GPC5: variants seen among roughly 807,000 people sequenced by gnomAD.
GPC5 encodes the protein glypican 5.
Under a neutral mutation model 53.9 loss-of-function variants are expected in GPC5, and 47 were observed. The ratio of observed to expected loss-of-function variants is 0.87; its 90% confidence interval spans 0.69 to 1.11. The LOEUF (loss-of-function observed/expected upper bound fraction) is 1.11. Among genes scored for constraint, GPC5 ranks in the 50% most tolerant of loss-of-function variants. The probability of loss-of-function intolerance (pLI) is 0.00; values close to 1 mark genes in which losing one functional copy is unlikely to be tolerated. For missense variants in GPC5, 748 were observed against 713.1 expected (o/e 1.05, Z -0.56); for synonymous variants, 286 against 263.3 (o/e 1.09, Z -0.84).
chr13:92,293,327 A>G (rs181520342), intron 7 of GPC5, among the ~76,000 whole-genome samples: 6 of 148,794 alleles, frequency 4.0e-5, no homozygotes, highest in Admixed American at 2.0e-4. Context: ...TGTTTGTGTC[A>G]TCTGTGATTT....
chr13:92,427,655 A>C (rs577135585), intron 7 of GPC5, among the ~76,000 whole-genome samples: 1 of 152,180 alleles, frequency 6.6e-6, no homozygotes, highest in East Asian at 1.9e-4. Flanking sequence ...GCTGGGTGAC[A>C]TTAAGAATAT....
At chr13:91,614,715 G>A (rs2033648739) in intron 2 of GPC5, among the ~76,000 whole-genome samples, 1 of 152,146 alleles carries the variant, frequency 6.6e-6, no homozygotes, top group African/African-American at 2.4e-5. Context: ...TGACAGTGGA[G>A]TTATAAAACT....
intron 4 of GPC5, among the ~76,000 whole-genome samples, chr13:91,753,077 C>A (rs938382434): frequency 6.6e-6 from 1 of 152,176 alleles, no homozygotes; most frequent in Admixed American, 6.5e-5. Context: ...ATTGGGGCTA[C>A]TGTGTGTAAA....
Position 91,728,628 on chromosome 13 carries a change from A to G in GPC5, c.1117A>G (p.Thr373Ala), listed in dbSNP as rs1427344343. The G allele has an allele frequency of 3.7e-6, 6 of 1,613,250 alleles. No homozygotes were observed. The highest frequency in any genetic ancestry group is 5.1e-6 in the Non-Finnish European group (6 of 1,179,466). ...AGAGAAGCATGGAATGAAGACCACC[A>G]CAAGGAACAGTGAAGAGACGCTTGC... ...SKEKHGMKTT[T>A]RNSEETLANR... The change falls in exon 4 of 8, where the codon ACA (threonine) becomes GCA (alanine). Residue 373 changes from threonine to alanine, a missense_variant. Transcript: ENST00000377067.
chr13:91,949,904 C>G (rs796407130), intron 6 of GPC5, among the ~76,000 whole-genome samples: 17 of 152,254 alleles, frequency 1.1e-4, no homozygotes, highest in African/African-American at 3.8e-4. Context: ...TTCACTTTGT[C>G]TTTAGCTAAC....
intron 7 of GPC5, among the ~76,000 whole-genome samples, chr13:92,476,088 C>A (rs1329553045): frequency 6.6e-6 from 1 of 152,000 alleles, no homozygotes; most frequent in Non-Finnish European, 1.5e-5. Context: ...AAAGAAACTA[C>A]CATCAGAGTG....
chr13:92,551,984 A>T (rs1206000872), intron 7 of GPC5, among the ~76,000 whole-genome samples: 1 of 151,940 alleles, frequency 6.6e-6, no homozygotes, highest in African/African-American at 2.4e-5. Flanking sequence ...ACATACTAAA[A>T]TAGTCAGCAC....
rs75552358 is a variant in GPC5, at chr13:92,312,957, A to C, written c.1561+167968A>C. On this transcript the variant is annotated intron_variant, in intron 7 of 7. Coordinates refer to ENST00000377067, the MANE Select transcript of GPC5 (RefSeq NM_004466.6). ...AATTAATTTCAAAATGCCTTTTTTGAGGAAATGGGCTGCCTATAATACTTC... is the reference window on the plus strand; with the variant it reads ...AATTAATTTCAAAATGCCTTTTTTGCGGAAATGGGCTGCCTATAATACTTC... 4.7e-4 allele frequency among the ~76,000 whole-genome samples: 71 copies of C among 152,212 alleles called. No individual in the cohort carries two copies. In the East Asian group the frequency reaches 0.013, roughly 27 times the overall value.
chr13:91,674,547 A>T (rs917818319), intron 2 of GPC5, among the ~76,000 whole-genome samples: 2 of 148,900 alleles, frequency 1.3e-5, no homozygotes, highest in East Asian at 4.0e-4. Context: ...ATACGCATAT[A>T]TATGCGTATG....
At chr13:92,300,832 A>T (rs1398734681) in intron 7 of GPC5, among the ~76,000 whole-genome samples, 2 of 152,222 alleles carry the variant, frequency 1.3e-5, no homozygotes, top group African/African-American at 4.8e-5. Context: ...TGATGTAGGG[A>T]TGCAAAATGT....
At chr13:92,188,447 A>G (rs757949528) in intron 7 of GPC5, among the ~76,000 whole-genome samples, 9 of 152,194 alleles carry the variant, frequency 5.9e-5, no homozygotes, top group Non-Finnish European at 8.8e-5. Flanking sequence ...AGGATAAGAA[A>G]AAGTGAAGAT....
At chr13:92,209,398 T>G (rs542074679) in intron 7 of GPC5, among the ~76,000 whole-genome samples, 15 of 152,296 alleles carry the variant, frequency 9.8e-5, no homozygotes, top group African/African-American at 3.6e-4. Context: ...TTTAAACCAT[T>G]GGGGTTAAGT....
chr13:91,656,329 A>T (rs2139586948), intron 2 of GPC5, among the ~76,000 whole-genome samples: 1 of 152,322 alleles, frequency 6.6e-6, no homozygotes, highest in Admixed American at 6.5e-5. Context: ...AATGGCAAGC[A>T]ATGATTTACC....
intron 7 of GPC5, among the ~76,000 whole-genome samples, chr13:92,346,894 T>C (rs9584022): frequency 0.26 from 38,878 of 151,928 alleles, 5,173 homozygotes; most frequent in South Asian, 0.39. Flanking sequence ...AATGCAATGA[T>C]TGAACTGAAA....
At chr13:92,213,636 A>G (rs1373197922) in intron 7 of GPC5, among the ~76,000 whole-genome samples, 1 of 152,202 alleles carries the variant, frequency 6.6e-6, no homozygotes, top group Non-Finnish European at 1.5e-5. Context: ...CAAAAAGTTA[A>G]TAATCTGTGA....
At chr13:92,391,474 T>G (rs1276792945) in intron 7 of GPC5, among the ~76,000 whole-genome samples, 4 of 152,176 alleles carry the variant, frequency 2.6e-5, no homozygotes, top group Admixed American at 6.6e-5. Context: ...ACCTTTTGTA[T>G]TTCATCTTGC....
chr13:92,842,662 T>C (rs1878469460), intron 7 of GPC5, among the ~76,000 whole-genome samples: 1 of 151,712 alleles, frequency 6.6e-6, no homozygotes, highest in Admixed American at 6.6e-5. Context: ...ATTGTTTTTT[T>C]TTTTTTTCAT....
At chr13:92,381,859 T>TGA (rs1463615025) in intron 7 of GPC5, among the ~76,000 whole-genome samples, 1 of 135,570 alleles carries the variant, frequency 7.4e-6, no homozygotes, top group African/African-American at 2.9e-5. Flanking sequence ...TCATATATGA[T>TGA]TATATATATC....
intron 5 of GPC5, among the ~76,000 whole-genome samples, chr13:91,890,625 C>G (rs2138967441): frequency 6.6e-6 from 1 of 152,316 alleles, no homozygotes; most frequent in Admixed American, 6.5e-5. Flanking sequence ...CTTTGGCTAT[C>G]ATTTAAAATT....
Sources: allele counts gnomAD v4.1 joint callset (sites outside exome capture counted in the v4.1 genomes callset), GRCh38; gene constraint gnomAD v4.1.1; transcripts MANE v1.5; gene names NCBI Gene and HGNC (gene_info 2026-07-23, HGNC 2026-07-21).